Variants in KCNMA1 observed in about 807,000 individuals in gnomAD.
The protein encoded by KCNMA1 is potassium calcium-activated channel subfamily M alpha 1, also known as Calcium-activated potassium channel subunit alpha-1.
A neutral mutation model predicts 140.0 loss-of-function variants in KCNMA1; 29 were observed. The observed-to-expected ratio is 0.21, with a 90% CI of 0.15 to 0.28. KCNMA1 has a LOEUF of 0.28. Ranked by LOEUF, KCNMA1 falls within the 10% of genes least tolerant of loss-of-function variation. KCNMA1 has a pLI of 1.00. For synonymous variants in KCNMA1, 612 were observed against 611.9 expected, an observed-to-expected ratio of 1.00 and a Z score of 0.00; for missense variants, 880 against 1,602.2, an observed-to-expected ratio of 0.55 and a Z score of 7.70.
intron 20 of KCNMA1, among the ~76,000 whole-genome samples, chr10:76,969,300 G>GGGAGGGAAGGAA (rs2075216596): frequency 9.2e-6 from 1 of 109,288 alleles, no homozygotes; most frequent in Admixed American, 1.0e-4. Context: ...GAAGGAAGGA[G>GGGAGGGAAGGAA]GGAAGGAAGG....
chr10:77,459,179 C>T (rs2097810024), intron 1 of KCNMA1, among the ~76,000 whole-genome samples: 2 of 152,220 alleles, frequency 1.3e-5, no homozygotes, highest in African/African-American at 2.4e-5. Context: ...GGCCTGGGGG[C>T]ATGGGCAGGG....
intron 14 of KCNMA1, among the ~76,000 whole-genome samples, chr10:77,070,917 A>G (rs959573898): frequency 2.0e-5 from 3 of 152,234 alleles, no homozygotes; most frequent in Non-Finnish European, 4.4e-5. Flanking sequence ...TTTCCAGGTC[A>G]TGTACCTTAG....
At chr10:77,487,464 A>G (rs1231372228) in intron 1 of KCNMA1, among the ~76,000 whole-genome samples, 1 of 152,210 alleles carries the variant, frequency 6.6e-6, no homozygotes, top group Non-Finnish European at 1.5e-5. Context: ...AGTGCAATAC[A>G]AAAGAGAGAG....
At chr10:77,634,892 T>C (rs2093598922) in intron 1 of KCNMA1, 1 of 152,818 alleles carries the variant, frequency 6.5e-6, no homozygotes, top group Non-Finnish European at 1.5e-5. Context: ...CTGCATATAA[T>C]GAGCTGGCTA....
intron 5 of KCNMA1, among the ~76,000 whole-genome samples, chr10:77,181,049 A>T (rs560370038): frequency 2.0e-5 from 3 of 152,282 alleles, no homozygotes; most frequent in African/African-American, 7.2e-5. Context: ...TACCGGGGGC[A>T]TGTTCTGCTC....
intron 16 of KCNMA1, among the ~76,000 whole-genome samples, chr10:77,027,021 G>C (rs1594088686): frequency 6.6e-6 from 1 of 152,300 alleles, no homozygotes; most frequent in East Asian, 1.9e-4. Context: ...TGTCATTTCA[G>C]AGAACAAAAG....
chr10:76,917,248 G>A (rs2053327816), intron 23 of KCNMA1, among the ~76,000 whole-genome samples: 1 of 152,140 alleles, frequency 6.6e-6, no homozygotes. Context: ...CCTTAAATCG[G>A]TAATGCTATA....
intron 1 of KCNMA1, among the ~76,000 whole-genome samples, chr10:77,569,766 C>G (rs1374067268): frequency 1.3e-5 from 2 of 152,118 alleles, no homozygotes; most frequent in Non-Finnish European, 2.9e-5. Context: ...AGCTTCTGCA[C>G]AGCAAAAGAA....
chr10:77,423,681 G>T (rs1448588214), intron 1 of KCNMA1, among the ~76,000 whole-genome samples: 1 of 152,128 alleles, frequency 6.6e-6, no homozygotes, highest in Non-Finnish European at 1.5e-5. Flanking sequence ...CCAACCCAGG[G>T]CTGGCTGCTC....
In KCNMA1 at chr10:77,086,821, TAGGA is replaced by T. The variant is rs147287990; in HGVS notation, c.1335-232_1335-229del. Among the ~76,000 whole-genome samples the T allele has an allele frequency of 8.1e-3, 1,233 of 152,340 alleles. 19 individuals carry two copies. Among genetic ancestry groups the T allele is most frequent in the African/African-American group, 0.028 (1,180 of 41,574 alleles). ...GTAAAAGAAAGAGGTTCATGGGCTT[TAGGA>T]AGGCCAAGACCTCAGGACAAATGTC... On this transcript the variant is annotated intron_variant, in intron 10 of 27. Transcript: ENST00000286628.
In KCNMA1 at chr10:77,000,858, ATATATATATATATAT is replaced by A. The variant is rs1445048223; in HGVS notation, c.2266+534_2266+548del. On this transcript the variant is annotated intron_variant, in intron 19 of 27. Coordinates refer to ENST00000286628, the MANE Select transcript of KCNMA1 (RefSeq NM_001161352.2). ...GTTAGAGAGACATAGTAAAAAGAAA[ATATATATATATATAT>A]ATATATATATATATATATATATATA... is the stretch of plus-strand genomic sequence containing the variant. Among the ~76,000 whole-genome samples the A allele has an allele frequency of 0.024, 2,154 of 88,102 alleles. 298 individuals carry two copies. In the East Asian group the frequency reaches 0.29, roughly 12 times the overall value. 57.8% of individuals were successfully genotyped at this position (88,102 alleles called of 152,430 possible).
At chr10:77,478,540 C>A (rs772308869) in intron 1 of KCNMA1, among the ~76,000 whole-genome samples, 1 of 152,130 alleles carries the variant, frequency 6.6e-6, no homozygotes, top group Non-Finnish European at 1.5e-5. Context: ...CATCTAGTGA[C>A]TAAAGATGCA....
At chr10:76,956,718 C>T (rs572090197) in intron 20 of KCNMA1, among the ~76,000 whole-genome samples, 115 of 152,282 alleles carry the variant, frequency 7.6e-4, no homozygotes, top group African/African-American at 2.7e-3. Context: ...TCAATAGTTA[C>T]AGTACCTTGT....
intron 2 of KCNMA1, among the ~76,000 whole-genome samples, chr10:77,354,855 C>A (rs1399150518): frequency 2.0e-5 from 3 of 152,166 alleles, no homozygotes; most frequent in East Asian, 1.9e-4. Flanking sequence ...CTATATAGAA[C>A]CTTTACTGCC....
At chr10:77,301,858 A>G (rs2076606309) in intron 2 of KCNMA1, among the ~76,000 whole-genome samples, 1 of 150,450 alleles carries the variant, frequency 6.6e-6, no homozygotes, top group Non-Finnish European at 1.5e-5. Flanking sequence ...GAAGCATCTC[A>G]CAACAGCCTA....
intron 1 of KCNMA1, among the ~76,000 whole-genome samples, chr10:77,419,860 A>G (rs1329101217): frequency 1.3e-5 from 2 of 152,204 alleles, no homozygotes; most frequent in African/African-American, 4.8e-5. Flanking sequence ...AGTGGAAGTC[A>G]TTGGTCCCAG....
chr10:77,000,905 T>C (rs1218396895), intron 19 of KCNMA1, among the ~76,000 whole-genome samples: 2 of 133,728 alleles, frequency 1.5e-5, no homozygotes, highest in Non-Finnish European at 3.2e-5. Context: ...TATATATCCA[T>C]CTGCATCAAA....
At chr10:77,011,652 GT>G (rs2090783394) in intron 18 of KCNMA1, among the ~76,000 whole-genome samples, 1 of 152,154 alleles carries the variant, frequency 6.6e-6, no homozygotes, top group Non-Finnish European at 1.5e-5. Flanking sequence ...TGTGGCTTTA[GT>G]TCTCCTCCTT....
At chr10:77,262,430 T>C (rs142877195) in intron 2 of KCNMA1, among the ~76,000 whole-genome samples, 49 of 152,288 alleles carry the variant, frequency 3.2e-4, no homozygotes, top group African/African-American at 1.2e-3. Context: ...TGGGGAATTA[T>C]TGTTTAATGG....
Sources: allele counts gnomAD v4.1 joint callset (sites outside exome capture counted in the v4.1 genomes callset), GRCh38; gene constraint gnomAD v4.1.1; transcripts MANE v1.5; gene names NCBI Gene and HGNC (gene_info 2026-07-23, HGNC 2026-07-21).